NDC1: variants seen among roughly 807,000 people sequenced by gnomAD.
NDC1 encodes the protein nucleoporin NDC1.
NDC1 carries 24 observed loss-of-function variants against 89.8 expected under a neutral mutation model. The ratio of observed to expected loss-of-function variants is 0.27; its 90% CI spans 0.19 to 0.38. NDC1 has a LOEUF of 0.38. Ranked by LOEUF, NDC1 falls within the 10% of genes least tolerant of loss-of-function variation. NDC1 has a pLI of 1.00. For missense variants in NDC1, 728 were observed against 797.6 expected (o/e 0.91, Z 1.05); for synonymous variants, 296 against 284.8 (o/e 1.04, Z -0.39).
chr1:53,810,610 T>C (rs1648272321), intron 6 of NDC1, among the ~76,000 whole-genome samples: 1 of 152,106 alleles, frequency 6.6e-6, no homozygotes. Flanking sequence ...AGTAGGTCAA[T>C]ACATTGCAAT....
intron 2 of NDC1, 88 bp from the exon 3 acceptor site, chr1:53,832,679 C>A: frequency 3.0e-6 from 2 of 664,666 alleles, no homozygotes; most frequent in Non-Finnish European, 5.4e-6. Flanking sequence ...GCTTGAACCA[C>A]AATTGTCATT....
chr1:53,788,433 T>A (rs1031019165), intron 15 of NDC1, among the ~76,000 whole-genome samples: 69 of 146,042 alleles, frequency 4.7e-4, no homozygotes, highest in African/African-American at 8.4e-4. Context: ...AAAAAAAAAA[T>A]TTTTTTTTTT....
chr1:53,820,701 CTTTTTTTTTTTTTTTTTTT>C (rs927514677), intron 5 of NDC1, among the ~76,000 whole-genome samples: 1 of 74,880 alleles, frequency 1.3e-5, no homozygotes, highest in South Asian at 4.4e-4. Context: ...ACTTCTCTCT[CTTTTTTTTTTTTTTTTTTT>C]TTTTTTGGAG....
At position 53,807,716 on chromosome 1, in the gene NDC1, A is replaced by G; in HGVS notation, c.831T>C (p.Gly277=). The change falls in exon 8 of 18, where the codon GGT becomes GGC. Residue 277 remains glycine, a synonymous_variant. Coordinates refer to ENST00000371429, the MANE Select transcript of NDC1 (RefSeq NM_018087.5). ...CATACCAAGTCGTCAGGAGAAAGAC[A>G]CCACACAGCCAGACATGGTAGAGTA... ...LSLLYHVWLC[G]VFLLTTWYVS... is the part of the protein sequence containing the mutation. The G allele has an allele frequency of 1.9e-6, 3 of 1,613,856 alleles. No homozygotes were observed. Among genetic ancestry groups the G allele is most frequent in the Non-Finnish European group, 2.5e-6 (3 of 1,179,734 alleles).
intron 6 of NDC1, among the ~76,000 whole-genome samples, chr1:53,815,583 T>A (rs1206729902): frequency 6.6e-6 from 1 of 152,208 alleles, no homozygotes; most frequent in African/African-American, 2.4e-5. Context: ...TTCAACATAG[T>A]ACTGGAAGTC....
At chr1:53,803,594 C>T (rs543208600) in intron 10 of NDC1, among the ~76,000 whole-genome samples, 5 of 151,932 alleles carry the variant, frequency 3.3e-5, no homozygotes, top group Middle Eastern at 3.4e-3. Context: ...CTTTTTGAGA[C>T]GGAGTCTCAC....
At chr1:53,801,478 T>C (rs1215520791) in intron 10 of NDC1, among the ~76,000 whole-genome samples, 2 of 152,208 alleles carry the variant, frequency 1.3e-5, no homozygotes, top group South Asian at 2.1e-4. Context: ...TTATTTCTCA[T>C]AGTAGATCTT....
At chr1:53,769,436 T>G (rs893353009) in intron 17 of NDC1, among the ~76,000 whole-genome samples, 2 of 152,206 alleles carry the variant, frequency 1.3e-5, no homozygotes, top group Non-Finnish European at 2.9e-5. Context: ...AAAGTAACTA[T>G]GTGAGATGAC....
chr1:53,824,028 A>G (rs1314894976), intron 5 of NDC1, among the ~76,000 whole-genome samples: 1 of 151,938 alleles, frequency 6.6e-6, no homozygotes, highest in East Asian at 1.9e-4. Context: ...GTTTGAGTCC[A>G]GGAGTCAGAA....
At chr1:53,830,495 A>G (rs1649021120) in intron 3 of NDC1, among the ~76,000 whole-genome samples, 1 of 152,100 alleles carries the variant, frequency 6.6e-6, no homozygotes. Context: ...AAGGATACGT[A>G]TTGTAACATC....
In NDC1 at chr1:53,795,224, C is replaced by T. The variant is rs1647658087; in HGVS notation, c.1584+1465G>A. 2.0e-5 allele frequency among the ~76,000 whole-genome samples: 3 copies of T among 152,094 alleles called. No homozygotes were observed. The South Asian group carries it at 6.2e-4, about 32-fold the overall frequency. ...AGTCTCTGTTGCTATTCTTTATCTC[C>T]CAAACTTTTAGCCATTGGAGGGCCC... On this transcript the variant is annotated intron_variant, in intron 13 of 17. Transcript: ENST00000371429.
At chr1:53,772,730 ACAAAC>A (rs2100618000) in intron 16 of NDC1, among the ~76,000 whole-genome samples, 1 of 151,454 alleles carries the variant, frequency 6.6e-6, no homozygotes, top group Non-Finnish European at 1.5e-5. Context: ...ACAAAACAAA[ACAAAC>A]ATAATATAAC....
chr1:53,780,011 C>T (rs1557565861), intron 16 of NDC1, among the ~76,000 whole-genome samples: 1 of 152,132 alleles, frequency 6.6e-6, no homozygotes, highest in African/African-American at 2.4e-5. Flanking sequence ...CCCCTACTTG[C>T]AAGACTAGCT....
intron 5 of NDC1, among the ~76,000 whole-genome samples, chr1:53,824,397 C>T (rs1648776004): frequency 6.6e-6 from 1 of 152,074 alleles, no homozygotes; most frequent in Non-Finnish European, 1.5e-5. Flanking sequence ...CCAATGTGCC[C>T]AGCCAAAAAC....
intron 16 of NDC1, among the ~76,000 whole-genome samples, chr1:53,775,741 G>A (rs1378486387): frequency 6.6e-6 from 1 of 151,986 alleles, no homozygotes; most frequent in Non-Finnish European, 1.5e-5. Context: ...GCAAATGAAG[G>A]AACACTGGTC....
intron 3 of NDC1, among the ~76,000 whole-genome samples, chr1:53,830,529 C>T (rs941722635): frequency 7.2e-5 from 11 of 152,178 alleles, no homozygotes; most frequent in East Asian, 1.9e-4. Context: ...TGAAATTTTA[C>T]GCCAGATTTT....
intron 17 of NDC1, among the ~76,000 whole-genome samples, chr1:53,769,526 C>T (rs1341897876): frequency 6.6e-6 from 1 of 152,142 alleles, no homozygotes; most frequent in Admixed American, 6.5e-5. Context: ...CTCAAATATA[C>T]ACAATACAAT....
intron 16 of NDC1, among the ~76,000 whole-genome samples, chr1:53,785,888 C>T (rs775149604): frequency 1.3e-5 from 2 of 151,856 alleles, no homozygotes; most frequent in African/African-American, 4.8e-5. Flanking sequence ...CTACTATATA[C>T]ACCAGATGCT....
At position 53,819,184 on chromosome 1, in the gene NDC1, T is replaced by A. The variant is rs150539770; in HGVS notation, c.595-105A>T. ...ACTGTAACAGTCTACATAGAAAACA[T>A]AATTATTGTATAAGAAGACAAAGAG... On this transcript the variant is annotated intron_variant, in intron 5 of 17. Coordinates refer to ENST00000371429, the MANE Select transcript of NDC1 (RefSeq NM_018087.5). 115 of 634,360 alleles carry A rather than the reference T, an allele frequency of 1.8e-4. No homozygotes were observed. In the East Asian group the frequency reaches 3.5e-3, roughly 19 times the overall value. The allele number at this position is 634,360 out of a possible 1,614,324, so 39.3% of individuals were successfully genotyped here.
Sources: gnomAD v4.1 joint callset for allele counts (sites outside exome capture counted in the v4.1 genomes callset) on GRCh38, gnomAD v4.1.1 for gene constraint, MANE v1.5 for transcripts, NCBI Gene and HGNC (gene_info 2026-07-23, HGNC 2026-07-21) for gene names.